The following OPA3 variants were observed in gnomAD, a reference collection of about 807,000 sequenced individuals.
OPA3 encodes the protein optic atrophy 3 protein.
OPA3 carries 6 observed loss-of-function variants against 4.0 expected under a neutral mutation model. That is an observed-to-expected ratio of 1.51 (90% CI 0.83 to 2.99). OPA3 has a LOEUF of 2.99. Among genes scored for constraint, OPA3 ranks in the 30% most tolerant of loss-of-function variants. The pLI is 0.00. For missense variants in OPA3, 235 were observed against 256.2 expected (o/e 0.92, Z 0.56); for synonymous variants, 105 against 117.1 (o/e 0.90, Z 0.67).
intron 1 of OPA3, among the ~76,000 whole-genome samples, chr19:45,565,382 C>T (rs933793987): frequency 3.3e-5 from 5 of 152,030 alleles, no homozygotes; most frequent in South Asian, 4.1e-4. Flanking sequence ...GTAATCCCAG[C>T]GCTTTGGGAG....
In OPA3 at chr19:45,579,546, G is replaced by T. The variant is rs139998753; in HGVS notation, c.142+5077C>A. Among the ~76,000 whole-genome samples the T allele has an allele frequency of 1.5e-3, 221 of 152,074 alleles. 1 individual carries two copies. Among genetic ancestry groups the T allele is most frequent in the African/African-American group, 4.7e-3 (193 of 41,502 alleles). Reference sequence around the variant, plus strand: ...AACTATTTATTTCATTTATTGTCTGGCTTCCTCCACAAGAATGTAAGGTAC... The same window carrying T: ...AACTATTTATTTCATTTATTGTCTGTCTTCCTCCACAAGAATGTAAGGTAC... On this transcript the variant is annotated intron_variant, in intron 1 of 1. Coordinates refer to ENST00000263275, the MANE Select transcript of OPA3 (RefSeq NM_025136.4).
intron 1 of OPA3, among the ~76,000 whole-genome samples, chr19:45,539,753 C>CAA (rs758168568): frequency 4.5e-5 from 5 of 110,520 alleles, no homozygotes; most frequent in Non-Finnish European, 5.8e-5. Flanking sequence ...GACCTTGTCT[C>CAA]AAAAAAAAAA....
chr19:45,582,533 T>C (rs148015246), intron 1 of OPA3, among the ~76,000 whole-genome samples: 2 of 152,210 alleles, frequency 1.3e-5, no homozygotes, highest in East Asian at 3.9e-4. Flanking sequence ...TGGAGTGTAG[T>C]GGTGCGATCT....
At chr19:45,565,852 C>A (rs1325260911) in intron 1 of OPA3, among the ~76,000 whole-genome samples, 2 of 151,974 alleles carry the variant, frequency 1.3e-5, no homozygotes, top group African/African-American at 4.8e-5. Flanking sequence ...TCAGAAGGCT[C>A]AGAAAGGAGG....
intron 1 of OPA3, among the ~76,000 whole-genome samples, chr19:45,569,920 G>A (rs1192533980): frequency 6.6e-6 from 1 of 152,092 alleles, no homozygotes; most frequent in Non-Finnish European, 1.5e-5. Context: ...TTACTGAAAA[G>A]CCAGCAAAAA....
intron 1 of OPA3, among the ~76,000 whole-genome samples, chr19:45,566,285 G>A (rs1426887774): frequency 1.3e-5 from 2 of 151,788 alleles, no homozygotes; most frequent in African/African-American, 4.8e-5. Context: ...GAGTATCTGG[G>A]ATTACAGGCG....
intron 1 of OPA3, among the ~76,000 whole-genome samples, chr19:45,572,770 TA>T (rs1969703946): frequency 1.5e-5 from 1 of 66,578 alleles, no homozygotes; most frequent in East Asian, 2.8e-4. Flanking sequence ...TATATATCTA[TA>T]TATATCATAC....
downstream of OPA3, among the ~76,000 whole-genome samples, chr19:45,545,179 C>A (rs12979939): frequency 0.71 from 87,280 of 123,382 alleles, 31,815 homozygotes; most frequent in South Asian, 0.84. Context: ...AAAAAAAAAA[C>A]AAAAAAACAA....
At chr19:45,545,740 T>C (rs1969242018), downstream of OPA3, among the ~76,000 whole-genome samples, 1 of 138,848 alleles carries the variant, frequency 7.2e-6, no homozygotes, top group Non-Finnish European at 1.5e-5. Flanking sequence ...TGAGATGGAG[T>C]CTCACTCTGT....
Position 45,584,680 on chromosome 19 carries a change from CCT to C in OPA3, c.83_84del (p.Lys28ArgfsTer50). On this transcript the variant is annotated frameshift_variant, in exon 1 of 2. Transcript: ENST00000263275. LOFTEE classifies it high-confidence loss of function. The stretch of plus-strand genomic sequence containing the variant: ...AAGAACTCGCTTCGGCGGGCGGCCT[CCT>C]TAATACGGTTGGCAAGCGGCTTGCT... ...QVSKPLANRI[K>X]EAARRSEFFK... is the part of the protein sequence containing the mutation. 6.2e-7 allele frequency: 1 copy of C among 1,614,208 alleles called. No homozygotes were observed. The highest frequency in any genetic ancestry group is 8.5e-7 in the Non-Finnish European group (1 of 1,180,038).
At chr19:45,572,463 TATATC>T (rs200447501) in intron 1 of OPA3, among the ~76,000 whole-genome samples, 3,394 of 136,492 alleles carry the variant, frequency 0.025, 82 homozygotes, top group Non-Finnish European at 0.04. Flanking sequence ...ATATATATCA[TATATC>T]ATATAATAAT....
At chr19:45,575,095 G>A (rs1376643989) in intron 1 of OPA3, among the ~76,000 whole-genome samples, 1 of 151,980 alleles carries the variant, frequency 6.6e-6, no homozygotes, top group Non-Finnish European at 1.5e-5. Flanking sequence ...AGAGTGACTG[G>A]GTTTTTTGTT....
At chr19:45,568,611 G>A (rs1006025331) in intron 1 of OPA3, among the ~76,000 whole-genome samples, 27 of 152,104 alleles carry the variant, frequency 1.8e-4, no homozygotes, top group African/African-American at 6.5e-4. Flanking sequence ...ACAGCAACCC[G>A]AGACTGCAGT....
intron 1 of OPA3, among the ~76,000 whole-genome samples, chr19:45,579,996 T>G (rs937342388): frequency 1.0e-5 from 1 of 100,452 alleles, no homozygotes; most frequent in Non-Finnish European, 1.7e-5. Flanking sequence ...TTTCTTTTTT[T>G]TTTTCTTTTT....
At position 45,550,487 on chromosome 19, in the gene OPA3, C is replaced by A; in HGVS notation, c.*3027G>T. ...CTCTGTGTAGAGATCGTCACCCTCC[C>A]AGCCTCTGCTCAGCCATCGCCTCTC... is the stretch of plus-strand genomic sequence containing the variant. On this transcript the variant is annotated 3_prime_UTR_variant, in exon 2 of 2. Coordinates refer to ENST00000263275, the MANE Select transcript of OPA3 (RefSeq NM_025136.4). 1.0e-6 allele frequency: 1 copy of A among 984,326 alleles called. No homozygotes were observed. Among genetic ancestry groups the A allele is most frequent in the Non-Finnish European group, 1.2e-6 (1 of 829,860 alleles). 61.0% of individuals were successfully genotyped at this position (984,326 alleles called of 1,614,324 possible).
At chr19:45,529,091 G>A in exon 2 of OPA3, 2 of 1,600,700 alleles carry the variant, frequency 1.2e-6, no homozygotes, top group East Asian at 4.5e-5. Context: ...GGGGGTGCAG[G>A]CGGCGGGTCT....
intron 1 of OPA3, among the ~76,000 whole-genome samples, chr19:45,581,465 C>T (rs747176990): frequency 8.5e-5 from 13 of 152,334 alleles, no homozygotes; most frequent in Non-Finnish European, 1.8e-4. Context: ...AACCCCATGC[C>T]ATGTCAGGTG....
At position 45,553,570 on chromosome 19, in the gene OPA3, G is replaced by T. The variant is rs747167154; in HGVS notation, c.484C>A (p.Gln162Lys). The change falls in exon 2 of 2, where the codon CAG becomes AAG. Residue 162 changes from glutamine (Q) to lysine (K), a missense_variant. Coordinates refer to ENST00000263275, the MANE Select transcript of OPA3 (RefSeq NM_025136.4). ...LRTELQEVRA[Q>K]LCNPGRSASH... ...GCGGACCGGCCGGGATTGCAGAGCT[G>T]GGCGCGCACCTCTTGCAGCTCTGTG... The T allele has an allele frequency of 6.2e-7, 1 of 1,613,074 alleles. No homozygotes were observed.
At chr19:45,543,169 CT>C (rs1195571652), downstream of OPA3, among the ~76,000 whole-genome samples, 4 of 151,890 alleles carry the variant, frequency 2.6e-5, no homozygotes, top group African/African-American at 7.3e-5. Context: ...GACACCATGC[CT>C]GACTAACTTT....
Sources: allele counts gnomAD v4.1 joint callset (sites outside exome capture counted in the v4.1 genomes callset), GRCh38; gene constraint gnomAD v4.1.1; transcripts MANE v1.5; gene names NCBI Gene and HGNC (gene_info 2026-07-23, HGNC 2026-07-21).